The following PGBD5 variants were observed in gnomAD, a reference collection of about 807,000 sequenced individuals.
The protein encoded by PGBD5 is piggyBac transposable element derived 5, also known as piggyBac transposable element-derived protein 5.
In PGBD5, 14 loss-of-function variants were observed where a neutral mutation model predicts 47.9. That is an observed-to-expected ratio of 0.29 (90% CI 0.19 to 0.46). The LOEUF is 0.46. Ranked by LOEUF, PGBD5 falls within the 20% of genes least tolerant of loss-of-function variation. PGBD5 has a pLI of 1.00. For missense variants in PGBD5, 635 were observed against 716.0 expected (o/e 0.89, Z 1.29); for synonymous variants, 316 against 306.3 (o/e 1.03, Z -0.33).
At chr1:230,381,943 C>T (rs768877755) in intron 1 of PGBD5, among the ~76,000 whole-genome samples, 3 of 152,210 alleles carry the variant, frequency 2.0e-5, no homozygotes, top group Non-Finnish European at 4.4e-5. Flanking sequence ...TCAGCTGCAA[C>T]CCTTTTCATG....
At position 230,400,895 on chromosome 1, in the gene PGBD5, A is replaced by G. The variant is rs1215215186; in HGVS notation, c.331+24703T>C. Among the ~76,000 whole-genome samples the G allele has an allele frequency of 7.2e-5, 11 of 152,388 alleles. No homozygotes were observed. In the East Asian group the frequency reaches 1.9e-3, roughly 27 times the overall value. ...TCAATGTTCACAACTGCCTTGCAGT[A>G]AGTCAGGTTGAAGTTTCTCTACTTT... On this transcript the variant is annotated intron_variant, in intron 1 of 6. Coordinates refer to ENST00000391860, the MANE Select transcript of PGBD5 (RefSeq NM_001258311.2).
intron 3 of PGBD5, among the ~76,000 whole-genome samples, chr1:230,341,604 G>A (rs1051617986): frequency 2.0e-5 from 3 of 152,146 alleles, no homozygotes; most frequent in Non-Finnish European, 4.4e-5. Context: ...CCCCAGACAC[G>A]ACACGGAAGG....
intron 1 of PGBD5, chr1:230,377,727 C>T (rs770481339): frequency 7.0e-7 from 1 of 1,421,122 alleles, no homozygotes; most frequent in Middle Eastern, 1.8e-4. Flanking sequence ...CTCAAAGAGT[C>T]ATTGTGAGAA....
At chr1:230,345,744 G>A (rs76533671) in intron 3 of PGBD5, among the ~76,000 whole-genome samples, 3 of 152,238 alleles carry the variant, frequency 2.0e-5, no homozygotes, top group Admixed American at 6.5e-5. Context: ...AGGCGATCAC[G>A]AGGGTAAACA....
chr1:230,320,085 T>A lies in PGBD5; in HGVS notation c.*3340A>T. ...ACCATATTGGCCAGGCTGGTCTCAA[T>A]CTCCTGGCCTTGTGATCCGCCTGCC... On this transcript the variant is annotated 3_prime_UTR_variant, in exon 7 of 7. Transcript: ENST00000391860. 6.6e-6 allele frequency: 1 copy of A among 152,160 alleles called. No individual in the cohort carries two copies. The highest frequency in any genetic ancestry group is 1.5e-5 in the Non-Finnish European group (1 of 68,020). The allele number at this position is 152,160 out of a possible 1,614,324, so 9.4% of individuals were successfully genotyped here.
At chr1:230,351,173 C>T (rs1667555771) in intron 2 of PGBD5, 81 bp from the exon 3 acceptor site, 4 of 1,439,268 alleles carry the variant, frequency 2.8e-6, no homozygotes, top group Non-Finnish European at 2.8e-6. Context: ...TCAAATTCAG[C>T]CTCTGCATTT....
In PGBD5 at chr1:230,338,781, CAA is replaced by C. The variant is rs1399652680; in HGVS notation, c.895-1495_895-1494del. Reference sequence around the variant, plus strand: ...TGCCATTGCACTCCAGCCTAGGCGACAAGAGCGAAATTCCATCTCAAAAATAA... The same window carrying C: ...TGCCATTGCACTCCAGCCTAGGCGACGAGCGAAATTCCATCTCAAAAATAA... On this transcript the variant is annotated intron_variant, in intron 3 of 6. Coordinates refer to ENST00000391860, the MANE Select transcript of PGBD5 (RefSeq NM_001258311.2). Among the ~76,000 whole-genome samples, 5 of 151,716 alleles carry C rather than the reference CAA, an allele frequency of 3.3e-5. No homozygotes were observed. The East Asian group carries it at 9.7e-4, about 29-fold the overall frequency.
intron 1 of PGBD5, among the ~76,000 whole-genome samples, chr1:230,418,040 C>T (rs1375213658): frequency 6.6e-6 from 1 of 152,196 alleles, no homozygotes; most frequent in Non-Finnish European, 1.5e-5. Flanking sequence ...CAGTAACATT[C>T]AGTGGGTAGA....
At chr1:230,362,679 C>A (rs1667766998) in intron 1 of PGBD5, among the ~76,000 whole-genome samples, 1 of 152,176 alleles carries the variant, frequency 6.6e-6, no homozygotes, top group Admixed American at 6.5e-5. Context: ...AGTGTGAAAG[C>A]AGAGGTCAGG....
At chr1:230,366,370 T>G (rs1407549207) in intron 1 of PGBD5, among the ~76,000 whole-genome samples, 2 of 23,144 alleles carry the variant, frequency 8.6e-5, no homozygotes, top group African/African-American at 1.6e-4. Context: ...CTGTTCCTGT[T>G]TTTTTTTCCA....
rs947679569 is a variant in PGBD5, at chr1:230,317,669, G to C, written c.*5756C>G. On this transcript the variant is annotated 3_prime_UTR_variant, in exon 7 of 7. Coordinates refer to ENST00000391860, the MANE Select transcript of PGBD5 (RefSeq NM_001258311.2). ...CTCACTGAATTTCCTTGGCCATAAA[G>C]TGCCCCTTCCACCTGAGGGAGCCAG... The C allele has an allele frequency of 6.6e-6, 1 of 152,096 alleles. No individual in the cohort carries two copies. Among genetic ancestry groups the C allele is most frequent in the Non-Finnish European group, 1.5e-5 (1 of 68,042 alleles). The allele number at this position is 152,096 out of a possible 1,614,324, so 9.4% of individuals were successfully genotyped here.
At chr1:230,405,226 A>T (rs1408920138) in intron 1 of PGBD5, among the ~76,000 whole-genome samples, 3 of 151,676 alleles carry the variant, frequency 2.0e-5, no homozygotes, top group African/African-American at 7.3e-5. Flanking sequence ...GAAGAAAAAA[A>T]TTGAGAGTGC....
chr1:230,404,611 CAAAAA>C (rs747306411), intron 1 of PGBD5, among the ~76,000 whole-genome samples: 104 of 100,344 alleles, frequency 1.0e-3, no homozygotes, highest in African/African-American at 2.0e-3. Flanking sequence ...AGTCTTGTCT[CAAAAA>C]AAAAAAAAAA....
chr1:230,367,716 A>C (rs1667859338), intron 1 of PGBD5, among the ~76,000 whole-genome samples: 1 of 152,168 alleles, frequency 6.6e-6, no homozygotes. Context: ...AAAATTTAAA[A>C]AGGGTGCTCC....
chr1:230,356,112 G>C (rs1667641316), intron 2 of PGBD5, among the ~76,000 whole-genome samples: 1 of 152,196 alleles, frequency 6.6e-6, no homozygotes, highest in African/African-American at 2.4e-5. Flanking sequence ...TTGCCACACA[G>C]ACCAAGTCAA....
chr1:230,323,685 A>T lies in PGBD5; in HGVS notation c.1380-65T>A. ...CATGGCACCCGGAGATGCATCCCAAAGGCCCCCCCTCACCACAGCCCGTGA... is the reference window on the plus strand; with the variant it reads ...CATGGCACCCGGAGATGCATCCCAATGGCCCCCCCTCACCACAGCCCGTGA... On this transcript the variant is annotated intron_variant, in intron 6 of 6. Coordinates refer to ENST00000391860, the MANE Select transcript of PGBD5 (RefSeq NM_001258311.2). This position sits in a 1 kb window ranked among gnomAD's most constrained non-coding sequence, Gnocchi z 4.1. 6.8e-7 allele frequency: 1 copy of T among 1,472,362 alleles called. No individual in the cohort carries two copies. Among genetic ancestry groups the T allele is most frequent in the Non-Finnish European group, 9.2e-7 (1 of 1,088,614 alleles). The allele number at this position is 1,472,362 out of a possible 1,614,324, so 91.2% of individuals were successfully genotyped here. A position where few individuals can be genotyped will look rare whatever the true frequency, so the allele number is the denominator to read the frequency against.
At position 230,426,148 on chromosome 1, in the gene PGBD5, G is replaced by T. The variant is rs1482985522; in HGVS notation, c.-220C>A. ...GCGCCGCAGGCTGCGGGCCGCGGCG[G>T]GAGGCGAGCCGCGCGCGGGGCTGGC... On this transcript the variant is annotated 5_prime_UTR_variant, in exon 1 of 7. Coordinates refer to ENST00000391860, the MANE Select transcript of PGBD5 (RefSeq NM_001258311.2). The T allele has an allele frequency of 2.0e-5, 3 of 147,048 alleles. No homozygotes were observed. The East Asian group carries it at 6.1e-4, about 30-fold the overall frequency. 9.1% of individuals were successfully genotyped at this position (147,048 alleles called of 1,614,324 possible).
At chr1:230,351,951 C>T (rs1474833209) in intron 2 of PGBD5, among the ~76,000 whole-genome samples, 1 of 152,130 alleles carries the variant, frequency 6.6e-6, no homozygotes, top group Non-Finnish European at 1.5e-5. Context: ...AAAGCTCTTT[C>T]GGGAGGCTTT....
At chr1:230,400,101 C>T (rs897011944) in intron 1 of PGBD5, among the ~76,000 whole-genome samples, 2 of 152,228 alleles carry the variant, frequency 1.3e-5, no homozygotes, top group African/African-American at 4.8e-5. Flanking sequence ...CTCTGTGCCC[C>T]GCCTCCACCC....
Sources: gnomAD v4.1 joint callset for allele counts (sites outside exome capture counted in the v4.1 genomes callset) on GRCh38, gnomAD v4.1.1 for gene constraint, Gnocchi (gnomAD v3.1) non-coding constraint, MANE v1.5 for transcripts, NCBI Gene and HGNC (gene_info 2026-07-23, HGNC 2026-07-21) for gene names.